The following TRIO variants were observed in gnomAD, a reference collection of about 807,000 sequenced individuals.
TRIO encodes triple functional domain protein.
In TRIO, 58 loss-of-function variants were observed where a neutral mutation model predicts 351.9. The ratio of observed to expected loss-of-function variants is 0.16; its 90% CI spans 0.13 to 0.21. The LOEUF (loss-of-function observed/expected upper bound fraction) is 0.21, where lower values mean the gene tolerates loss of function less well. TRIO is among the 10% of genes least tolerant of loss of function. TRIO has a pLI of 1.00. For synonymous variants in TRIO, 1,758 were observed against 1,595.7 expected, an observed-to-expected ratio of 1.10 and a Z score of -2.42; for missense variants, 3,201 against 4,027.8, an observed-to-expected ratio of 0.79 and a Z score of 5.56.
chr5:14,418,767 A>G (rs1281199608), intron 33 of TRIO: 1 of 152,868 alleles, frequency 6.5e-6, no homozygotes, highest in Admixed American at 6.5e-5. Context: ...AACCTGGGAC[A>G]GTCCAGAGAC....
chr5:14,258,270 C>A (rs1359165728), intron 1 of TRIO, among the ~76,000 whole-genome samples: 1 of 152,202 alleles, frequency 6.6e-6, no homozygotes, highest in Non-Finnish European at 1.5e-5. Flanking sequence ...CTGCTTGTAA[C>A]CCTGTGTCAT....
Position 14,280,380 on chromosome 5 carries a change from C to G in TRIO, c.291C>G (p.Asp97Glu). 6.2e-7 allele frequency: 1 copy of G among 1,614,096 alleles called. No homozygotes were observed. The highest frequency in any genetic ancestry group is 8.5e-7 in the Non-Finnish European group (1 of 1,180,004). ...ILTFPARSNH[D>E]RIRQEDLRRL... is the part of the protein sequence containing the mutation. ...CGTTTCCGGCCCGCAGCAATCATGACAGAATACGACAGGAGGATCTCAGGA... is the reference window on the plus strand; with the variant it reads ...CGTTTCCGGCCCGCAGCAATCATGAGAGAATACGACAGGAGGATCTCAGGA... The change falls in exon 3 of 57, where the codon GAC becomes GAG. Residue 97 changes from aspartate to glutamate, a missense_variant. By Grantham distance (45) the Asp-to-Glu change is conservative (BLOSUM62 2). Coordinates refer to ENST00000344204, the MANE Select transcript of TRIO (RefSeq NM_007118.4).
In TRIO at chr5:14,509,165, G is replaced by A; in HGVS notation, c.*743G>A. On this transcript the variant is annotated 3_prime_UTR_variant, in exon 57 of 57. Coordinates refer to ENST00000344204, the MANE Select transcript of TRIO (RefSeq NM_007118.4). ...GTCCTGCCCCACTGCCCCTCCCCCT[G>A]TTCCTGCCCCAAGCCGTCAATCAGA... 3.9e-6 allele frequency: 1 copy of A among 253,414 alleles called. No homozygotes were observed. Among genetic ancestry groups the A allele is most frequent in the Non-Finnish European group, 7.7e-6 (1 of 130,270 alleles). The allele number at this position is 253,414 out of a possible 1,614,324, so 15.7% of individuals were successfully genotyped here. A position where few individuals can be genotyped will look rare whatever the true frequency, so the allele number is the denominator to read the frequency against.
At chr5:14,256,449 G>T (rs1430680513) in intron 1 of TRIO, among the ~76,000 whole-genome samples, 2 of 152,216 alleles carry the variant, frequency 1.3e-5, no homozygotes, top group Non-Finnish European at 2.9e-5. Context: ...TACGTCTAGA[G>T]CCAGGGAGGT....
intron 33 of TRIO, among the ~76,000 whole-genome samples, chr5:14,414,080 T>C (rs576166537): frequency 2.0e-5 from 3 of 152,350 alleles, no homozygotes; most frequent in African/African-American, 7.2e-5. Context: ...TTGGGTTAAA[T>C]GGTCCTAAGA....
intron 9 of TRIO, among the ~76,000 whole-genome samples, chr5:14,320,176 G>A (rs552762023): frequency 2.0e-5 from 3 of 152,264 alleles, no homozygotes; most frequent in South Asian, 4.2e-4. Flanking sequence ...CTCAGCGAAG[G>A]TTTGGTTGAA....
intron 28 of TRIO, 125 bp downstream of exon 28, chr5:14,394,255 A>T (rs1483540737): frequency 1.7e-6 from 1 of 601,642 alleles, no homozygotes. Context: ...TTACTTTTTA[A>T]TTCATTAGTA....
intron 39 of TRIO, among the ~76,000 whole-genome samples, chr5:14,473,483 T>C (rs1406540378): frequency 6.6e-6 from 1 of 152,258 alleles, no homozygotes; most frequent in Non-Finnish European, 1.5e-5. Context: ...TAAGAGGTTC[T>C]TGTACAGACT....
rs1181327266 is a variant in TRIO, at chr5:14,508,272, G to A, written c.9144G>A (p.Gln3048=). ...RPSAALALQE[Q]WLQAGNGRST... ...CGGCTGCGCTGGCCCTCCAGGAGCA[G>A]TGGCTGCAGGCCGGCAACGGCAGAA... The change falls in exon 57 of 57, where the codon CAG becomes CAA. Residue 3048 remains glutamine (Q), a synonymous_variant. Coordinates refer to ENST00000344204, the MANE Select transcript of TRIO (RefSeq NM_007118.4). 3.1e-6 allele frequency: 5 copies of A among 1,613,810 alleles called. No individual in the cohort carries two copies. In the African/African-American group the frequency reaches 5.3e-5, roughly 17 times the overall value.
chr5:14,422,759 AC>A (rs1404876393), intron 34 of TRIO, among the ~76,000 whole-genome samples: 1 of 152,244 alleles, frequency 6.6e-6, no homozygotes, highest in Non-Finnish European at 1.5e-5. Context: ...ATTCAATTAC[AC>A]AATTTGTTTT....
At chr5:14,425,949 C>T (rs1287989372) in intron 34 of TRIO, among the ~76,000 whole-genome samples, 3 of 152,212 alleles carry the variant, frequency 2.0e-5, no homozygotes, top group African/African-American at 4.8e-5. Context: ...TGGACTAAGA[C>T]ATATGGTAGT....
intron 46 of TRIO, 101 bp from the exon 47 acceptor site, chr5:14,484,968 C>T (rs185860447): frequency 2.3e-6 from 3 of 1,280,434 alleles, no homozygotes; most frequent in East Asian, 5.2e-5. Flanking sequence ...AAACTGTCCA[C>T]ATAGCCCACA....
chr5:14,331,777 GTAACTAA>G (rs952613765), intron 10 of TRIO, among the ~76,000 whole-genome samples: 4 of 152,144 alleles, frequency 2.6e-5, no homozygotes, highest in African/African-American at 9.7e-5. Flanking sequence ...GAACTTCCTC[GTAACTAA>G]TTTGAAGGTC....
At chr5:14,461,491 T>C (rs1231965030) in intron 35 of TRIO, among the ~76,000 whole-genome samples, 180 bp downstream of exon 35, 1 of 152,238 alleles carries the variant, frequency 6.6e-6, no homozygotes, top group Non-Finnish European at 1.5e-5. Flanking sequence ...TGAAAGAAAA[T>C]TGAACCCAGT....
At chr5:14,197,302 GC>G (rs200583532) in intron 1 of TRIO, among the ~76,000 whole-genome samples, 1 of 57,536 alleles carries the variant, frequency 1.7e-5, no homozygotes, top group African/African-American at 3.6e-5. Context: ...GTATCGAGGT[GC>G]TTCCTGTCTG....
At chr5:14,297,951 C>T (rs1030536100) in intron 7 of TRIO, among the ~76,000 whole-genome samples, 1 of 152,166 alleles carries the variant, frequency 6.6e-6, no homozygotes, top group Non-Finnish European at 1.5e-5. Flanking sequence ...CCAGAGGCCC[C>T]GCCCCCAGCA....
intron 45 of TRIO, chr5:14,481,870 G>A (rs992718341): frequency 6.6e-6 from 3 of 457,326 alleles, no homozygotes; most frequent in East Asian, 8.0e-5. Context: ...AAGCAGGACC[G>A]GGCTTTGTCT....
intron 39 of TRIO, 59 bp from the exon 40 acceptor site, chr5:14,473,935 C>A: frequency 6.6e-7 from 1 of 1,505,152 alleles, no homozygotes; most frequent in Non-Finnish European, 9.2e-7. Context: ...AATCAATAAG[C>A]CACTAGTTGA....
At chr5:14,454,344 G>C (rs947355397) in intron 34 of TRIO, among the ~76,000 whole-genome samples, 2 of 152,204 alleles carry the variant, frequency 1.3e-5, no homozygotes, top group Non-Finnish European at 2.9e-5. Context: ...TGCCTTCTGA[G>C]ACAGCAAAGC....
Sources: allele counts gnomAD v4.1 joint callset (sites outside exome capture counted in the v4.1 genomes callset), GRCh38; gene constraint gnomAD v4.1.1; transcripts MANE v1.5; gene names NCBI Gene and HGNC (gene_info 2026-07-23, HGNC 2026-07-21).